CDK17: variants seen among roughly 807,000 people sequenced by gnomAD.
CDK17 encodes cyclin-dependent kinase 17.
Under a neutral mutation model 77.6 loss-of-function variants are expected in CDK17, and 24 were observed. That is an observed-to-expected ratio of 0.31 (90% CI 0.22 to 0.44). The LOEUF is 0.44. Among genes scored for constraint, CDK17 ranks in the 20% least tolerant of loss-of-function variants. CDK17 has a pLI of 1.00. For synonymous variants in CDK17, 203 were observed against 210.4 expected (o/e 0.96, Z 0.30); for missense variants, 429 against 622.5 (o/e 0.69, Z 3.31).
In CDK17 at chr12:96,279,294, C is replaced by A. The variant is rs575950417; in HGVS notation, c.*948G>T. The A allele has an allele frequency of 6.6e-6, 1 of 152,248 alleles. No homozygotes were observed. The highest frequency in any genetic ancestry group is 6.5e-5 in the Admixed American group (1 of 15,300). 9.4% of individuals were successfully genotyped at this position (152,248 alleles called of 1,614,324 possible). A position where few individuals can be genotyped will look rare whatever the true frequency, so the allele number is the denominator to read the frequency against. ...GACATATTACAGCTTTCAGCTGATT[C>A]CAAGTGAATGTTATTGAAACACATA... On this transcript the variant is annotated 3_prime_UTR_variant, in exon 17 of 17. Transcript: ENST00000261211.
chr12:96,383,985 G>C (rs146455915), intron 1 of CDK17, among the ~76,000 whole-genome samples: 2 of 151,978 alleles, frequency 1.3e-5, no homozygotes, highest in Non-Finnish European at 2.9e-5. Context: ...CTTCAGAATG[G>C]GAGAAAAGAT....
chr12:96,306,028 CTTTTT>C (rs1952572467), intron 5 of CDK17, among the ~76,000 whole-genome samples: 1 of 152,082 alleles, frequency 6.6e-6, no homozygotes, highest in Non-Finnish European at 1.5e-5. Flanking sequence ...GGCCCTCTCT[CTTTTT>C]TATGATATAG....
rs181606349 is a variant in CDK17 at position 96,368,338 on chromosome 12, C to T, written c.-30+31648G>A. Among the ~76,000 whole-genome samples the T allele has an allele frequency of 1.9e-3, 288 of 152,300 alleles. 1 individual carries two copies. The highest frequency in any genetic ancestry group is 6.8e-3 in the African/African-American group (283 of 41,556). ...ACTGAACTGTTCCCTCTTGTTCCCT[C>T]TTTCAAAGGTAGGAAATGAGAGGTT... On this transcript the variant is annotated intron_variant, in intron 1 of 16. Transcript: ENST00000261211.
rs1049701134 is a variant in CDK17, at chr12:96,373,735, G to A, written c.-30+26251C>T. Among the ~76,000 whole-genome samples the A allele has an allele frequency of 8.6e-5, 13 of 152,040 alleles. No individual in the cohort carries two copies. The East Asian group carries it at 1.5e-3, about 18-fold the overall frequency. Reference sequence around the variant, plus strand: ...AGGAGATCAAAACCAGCCTGACCAAGATGGTGAAACCCTGTCTCTACTAAA... The same window carrying A: ...AGGAGATCAAAACCAGCCTGACCAAAATGGTGAAACCCTGTCTCTACTAAA... On this transcript the variant is annotated intron_variant, in intron 1 of 16. Coordinates refer to ENST00000261211, the MANE Select transcript of CDK17 (RefSeq NM_002595.5).
intron 3 of CDK17, among the ~76,000 whole-genome samples, chr12:96,323,273 A>G (rs1565819894): frequency 8.3e-6 from 1 of 119,844 alleles, no homozygotes; most frequent in African/African-American, 2.8e-5. Context: ...TCTTCTAAAA[A>G]AAAAAAAAAA....
At chr12:96,368,982 C>A (rs1420974176) in intron 1 of CDK17, among the ~76,000 whole-genome samples, 3 of 152,010 alleles carry the variant, frequency 2.0e-5, no homozygotes, top group Non-Finnish European at 4.4e-5. Flanking sequence ...AATTTTACTA[C>A]AAAATCCATG....
chr12:96,280,532 C>T, intron 16 of CDK17: 3 of 1,414,756 alleles, frequency 2.1e-6, no homozygotes, highest in Non-Finnish European at 1.8e-6. Flanking sequence ...ATGGCGTGTG[C>T]AGTGATCAAG....
chr12:96,377,350 T>C (rs1356232149), intron 1 of CDK17, among the ~76,000 whole-genome samples: 1 of 152,120 alleles, frequency 6.6e-6, no homozygotes, highest in Non-Finnish European at 1.5e-5. Flanking sequence ...AAAATATACA[T>C]ATTTGCAACC....
Position 96,306,756 on chromosome 12 carries a change from A to T in CDK17, c.543+4296T>A, listed in dbSNP as rs564617652. ...CACAAATTCTAATACATATAAAAAA[A>T]TGAGTTTCTTTTTCCCACTCCTTTT... On this transcript the variant is annotated intron_variant, in intron 5 of 16. Transcript: ENST00000261211. Among the ~76,000 whole-genome samples the T allele has an allele frequency of 1.4e-4, 22 of 152,306 alleles. No homozygotes were observed. In the South Asian group the frequency reaches 4.6e-3, roughly 32 times the overall value.
intron 11 of CDK17, among the ~76,000 whole-genome samples, chr12:96,288,095 GTAGA>G (rs1306113078): frequency 3.9e-5 from 6 of 152,076 alleles, no homozygotes; most frequent in African/African-American, 1.2e-4. Context: ...GATTCTGGAG[GTAGA>G]TAGATAGTGG....
At chr12:96,302,515 G>A (rs1388796028) in intron 5 of CDK17, among the ~76,000 whole-genome samples, 1 of 151,770 alleles carries the variant, frequency 6.6e-6, no homozygotes, top group Non-Finnish European at 1.5e-5. Context: ...TTTTATGGGG[G>A]AAAAAACACT....
chr12:96,354,347 T>C (rs958259459), intron 1 of CDK17, among the ~76,000 whole-genome samples: 3 of 152,182 alleles, frequency 2.0e-5, no homozygotes, highest in African/African-American at 2.4e-5. Context: ...ATGAGACAGA[T>C]TTCAGCAAGA....
chr12:96,289,085 G>A, intron 11 of CDK17, 82 bp downstream of exon 11: 1 of 1,419,762 alleles, frequency 7.0e-7, no homozygotes, highest in Middle Eastern at 1.8e-4. Flanking sequence ...CTCCTTAAAA[G>A]TATATACTTA....
At chr12:96,350,096 A>G (rs933494280) in intron 1 of CDK17, among the ~76,000 whole-genome samples, 2 of 152,210 alleles carry the variant, frequency 1.3e-5, no homozygotes, top group African/African-American at 4.8e-5. Context: ...TGAAAATTAC[A>G]AAATATTGTT....
At chr12:96,341,294 T>TA (rs1288232365) in intron 1 of CDK17, among the ~76,000 whole-genome samples, 1 of 148,434 alleles carries the variant, frequency 6.7e-6, no homozygotes, top group Admixed American at 6.9e-5. Flanking sequence ...CCTTAGTTTT[T>TA]ACTCATAGCA....
intron 2 of CDK17, among the ~76,000 whole-genome samples, chr12:96,331,182 A>T (rs1187000008): frequency 6.6e-6 from 1 of 152,190 alleles, no homozygotes; most frequent in Non-Finnish European, 1.5e-5. Context: ...ACCTCCAGTG[A>T]TCTGCCCACC....
Position 96,390,930 on chromosome 12 carries a change from T to C in CDK17, c.-30+9056A>G, listed in dbSNP as rs558811582. Among the ~76,000 whole-genome samples, 16 of 151,376 alleles carry C rather than the reference T, an allele frequency of 1.1e-4. No homozygotes were observed. In the South Asian group the frequency reaches 1.9e-3, roughly 18 times the overall value. On this transcript the variant is annotated intron_variant, in intron 1 of 16. Transcript: ENST00000261211. ...CCAGCCTGGCCAACACTACTAAAAA[T>C]ACAAAAATTAGCCAGGCATGGTGGC...
At chr12:96,338,254 A>G (rs1365197997) in intron 1 of CDK17, among the ~76,000 whole-genome samples, 2 of 152,248 alleles carry the variant, frequency 1.3e-5, no homozygotes, top group African/African-American at 4.8e-5. Context: ...CTCCACTGGA[A>G]GAAGGCAAAT....
chr12:96,319,969 G>A (rs1003142076), intron 3 of CDK17, among the ~76,000 whole-genome samples: 31 of 150,414 alleles, frequency 2.1e-4, no homozygotes, highest in African/African-American at 7.1e-4. Flanking sequence ...GCAGGAGAAG[G>A]AAATAAAGGG....
Sources: allele counts gnomAD v4.1 joint callset (sites outside exome capture counted in the v4.1 genomes callset), GRCh38; gene constraint gnomAD v4.1.1; transcripts MANE v1.5; gene names NCBI Gene and HGNC (gene_info 2026-07-23, HGNC 2026-07-21).